LOXL1: variants seen among roughly 807,000 people sequenced by gnomAD.
LOXL1 encodes the protein lysyl oxidase homolog 1.
In LOXL1, 31 loss-of-function variants were observed where a neutral mutation model predicts 62.2. The ratio of observed to expected loss-of-function variants is 0.50; its 90% CI spans 0.37 to 0.67. The LOEUF is 0.67. Ranked by LOEUF, LOXL1 falls within the 30% of genes least tolerant of loss-of-function variation. The pLI is 0.00. For synonymous variants in LOXL1, 403 were observed against 384.4 expected (o/e 1.05, Z -0.56); for missense variants, 775 against 843.4 (o/e 0.92, Z 1.00).
intron 6 of LOXL1, among the ~76,000 whole-genome samples, chr15:73,950,293 TAAA>T (rs5813735): frequency 2.1e-3 from 301 of 146,126 alleles, no homozygotes; most frequent in African/African-American, 6.9e-3. Context: ...CCTTTTCCAT[TAAA>T]AAAAAAAAAA....
rs2068739756 is a variant in LOXL1 at position 73,945,180 on chromosome 15, G to A, written c.1212-1237G>A. ...TTTTGTCACAAGGCCTACCTCAGTT[G>A]GAAATCTGGAGTCAGCAGGTGACTT... On this transcript the variant is annotated intron_variant, in intron 2 of 6. Coordinates refer to ENST00000261921, the MANE Select transcript of LOXL1 (RefSeq NM_005576.4). The surrounding 1 kb of genome is among the most constrained non-coding windows in gnomAD (Gnocchi z 4.3). Among the ~76,000 whole-genome samples the A allele has an allele frequency of 6.6e-6, 1 of 152,196 alleles. No homozygotes were observed. The highest frequency in any genetic ancestry group is 1.5e-5 in the Non-Finnish European group (1 of 68,038).
rs746716722 is a variant in LOXL1 at position 73,951,862 on chromosome 15, T to A, written c.*25T>A. 1.3e-6 allele frequency: 2 copies of A among 1,526,884 alleles called. No homozygotes were observed. The highest frequency in any genetic ancestry group is 8.8e-7 in the Non-Finnish European group (1 of 1,131,334). 94.6% of individuals were successfully genotyped at this position (1,526,884 alleles called of 1,614,324 possible). ...ATCTCCGGGAGGGACAGATGGCCAA[T>A]CTCTCCCCTTCCAAAGCAGGCCCTG... On this transcript the variant is annotated 3_prime_UTR_variant, in exon 7 of 7. Transcript: ENST00000261921.
chr15:73,951,731 G>A (rs2068788563), intron 6 of LOXL1, 100 bp from the exon 7 acceptor site: 3 of 1,102,776 alleles, frequency 2.7e-6, no homozygotes, highest in Non-Finnish European at 2.5e-6. Context: ...TGCCTGCCCT[G>A]CCACGAGGGA....
intron 6 of LOXL1, 55 bp downstream of exon 6, chr15:73,949,629 A>C (rs2068770633): frequency 8.0e-7 from 1 of 1,247,514 alleles, no homozygotes; most frequent in South Asian, 1.2e-5. Context: ...CCTGGGGAGC[A>C]GGCAAGGCCA....
At chr15:73,933,084 A>G (rs1239371992) in intron 1 of LOXL1, among the ~76,000 whole-genome samples, 2 of 152,234 alleles carry the variant, frequency 1.3e-5, no homozygotes, top group East Asian at 1.9e-4. Context: ...GCAAGAAGAG[A>G]CAGCTCCTGT....
At chr15:73,934,139 G>A (rs2068654230) in intron 1 of LOXL1, among the ~76,000 whole-genome samples, 1 of 152,224 alleles carries the variant, frequency 6.6e-6, no homozygotes, top group Admixed American at 6.5e-5. Flanking sequence ...CCCCCTGCTT[G>A]TGGGCCAGCT....
In LOXL1 at chr15:73,945,325, G is replaced by A. The variant is rs560056852; in HGVS notation, c.1212-1092G>A. On this transcript the variant is annotated intron_variant, in intron 2 of 6. Coordinates refer to ENST00000261921, the MANE Select transcript of LOXL1 (RefSeq NM_005576.4). This position sits in a 1 kb window ranked among gnomAD's most constrained non-coding sequence, Gnocchi z 4.3. ...CCCAGTGCAAGATGTAGATGGTATC[G>A]GGCTGTGCTGCAGTCAGTGCTGTTA... is the stretch of plus-strand genomic sequence containing the variant. Among the ~76,000 whole-genome samples, 5 of 152,292 alleles carry A rather than the reference G, an allele frequency of 3.3e-5. No homozygotes were observed. Among genetic ancestry groups the A allele is most frequent in the African/African-American group, 4.8e-5 (2 of 41,548 alleles).
Position 73,932,945 on chromosome 15 carries a change from G to T in LOXL1, c.1102+5060G>T, listed in dbSNP as rs182193662. ...CTGCCTCCCTGTTTCTCCTTTGAGA[G>T]TCATCAGTGTCTGAACAAACAAGTG... On this transcript the variant is annotated intron_variant, in intron 1 of 6. Coordinates refer to ENST00000261921, the MANE Select transcript of LOXL1 (RefSeq NM_005576.4). Among the ~76,000 whole-genome samples the T allele has an allele frequency of 4.6e-5, 7 of 152,304 alleles. No individual in the cohort carries two copies. In the East Asian group the frequency reaches 1.2e-3, roughly 25 times the overall value.
At chr15:73,948,960 A>G (rs984005295) in intron 5 of LOXL1, among the ~76,000 whole-genome samples, 1 of 152,224 alleles carries the variant, frequency 6.6e-6, no homozygotes, top group Non-Finnish European at 1.5e-5. Context: ...TTGTATCCCA[A>G]CAGCTCCTTT....
chr15:73,946,945 C>T, intron 3 of LOXL1, 122 bp from the exon 4 acceptor site: 2 of 1,123,216 alleles, frequency 1.8e-6, no homozygotes, highest in Non-Finnish European at 2.5e-6. Context: ...ACAGGAGAAC[C>T]TAGACCAGCC....
rs2068630482 is a variant in LOXL1, at chr15:73,930,872, C to A, written c.1102+2987C>A. Among the ~76,000 whole-genome samples the A allele has an allele frequency of 2.6e-5, 4 of 152,200 alleles. No homozygotes were observed. In the South Asian group the frequency reaches 8.3e-4, roughly 31 times the overall value. ...GAGGAAACAGAGGCCCAGAGAGGGT[C>A]ACATACTTTGCCTGGCTCTCATAGC... On this transcript the variant is annotated intron_variant, in intron 1 of 6. Coordinates refer to ENST00000261921, the MANE Select transcript of LOXL1 (RefSeq NM_005576.4). The surrounding 1 kb of genome is among the most constrained non-coding windows in gnomAD (Gnocchi z 4.7).
Position 73,947,887 on chromosome 15 carries a change from G to A in LOXL1, c.1587G>A (p.Gly529=). The change falls in exon 5 of 7, where the codon GGG becomes GGA. Residue 529 remains glycine, a synonymous_variant. Transcript: ENST00000261921. The part of the protein sequence containing the change: ...QWIDITDVQP[G]NYILKVHVNP... ...TCGACATAACCGACGTGCAGCCTGGGAACTACATCCTCAAGGTGGGCCTCT... is the reference window on the plus strand; with the variant it reads ...TCGACATAACCGACGTGCAGCCTGGAAACTACATCCTCAAGGTGGGCCTCT... 2 of 1,613,390 alleles carry A rather than the reference G, an allele frequency of 1.2e-6. No individual in the cohort carries two copies. The highest frequency in any genetic ancestry group is 2.2e-5 in the South Asian group (2 of 91,036).
intron 1 of LOXL1, among the ~76,000 whole-genome samples, chr15:73,938,252 C>G (rs1296546636): frequency 3.5e-5 from 5 of 144,924 alleles, no homozygotes; most frequent in Non-Finnish European, 7.7e-5. Flanking sequence ...TGCAGTCCAG[C>G]CTGGGCAACA....
At chr15:73,935,982 T>C (rs989967813) in intron 1 of LOXL1, among the ~76,000 whole-genome samples, 28 of 134,460 alleles carry the variant, frequency 2.1e-4, no homozygotes, top group South Asian at 2.4e-4. Context: ...TGTACGCGCA[T>C]GCACATGCAT....
chr15:73,933,612 C>T (rs1231689349), intron 1 of LOXL1, among the ~76,000 whole-genome samples: 2 of 152,244 alleles, frequency 1.3e-5, no homozygotes, highest in Non-Finnish European at 2.9e-5. Flanking sequence ...GCAGCATCCT[C>T]TGCTCTCAGA....
chr15:73,927,546 C>T lies in LOXL1; in HGVS notation c.763C>T (p.Pro255Ser). Reference sequence around the variant, plus strand: ...CCCGCCTCAGGGCTTCTACCCGGCCCCCGAGAGGCCCTACGTGCCGCCGCC... The same window carrying T: ...CCCGCCTCAGGGCTTCTACCCGGCCTCCGAGAGGCCCTACGTGCCGCCGCC... ...EYPPQGFYPA[P>S]ERPYVPPPPP... Residue 255 changes from proline (P) to serine (S), a missense_variant, in exon 1 of 7, where the codon CCC becomes TCC. Transcript: ENST00000261921. 7.3e-6 allele frequency: 11 copies of T among 1,499,228 alleles called. No homozygotes were observed. The highest frequency in any genetic ancestry group is 9.7e-6 in the Non-Finnish European group (11 of 1,131,152). 92.9% of individuals were successfully genotyped at this position (1,499,228 alleles called of 1,614,324 possible).
In LOXL1 at chr15:73,927,460, AC is replaced by A; in HGVS notation, c.681del (p.Tyr228ThrfsTer199). ...GCCGTGGCCTCGGCGGGGGTCATCT[AC>A]CCCTACCAGCCCCGGGCGCGCTACG... ...AAAVASAGVI[Y>X]PYQPRARYEE... On this transcript the variant is annotated frameshift_variant, in exon 1 of 7. Transcript: ENST00000261921. LOFTEE classifies it high-confidence loss of function. 4 of 1,445,764 alleles carry A rather than the reference AC, an allele frequency of 2.8e-6. No individual in the cohort carries two copies. Among genetic ancestry groups the A allele is most frequent in the Non-Finnish European group, 3.6e-6 (4 of 1,102,342 alleles). 89.6% of individuals were successfully genotyped at this position (1,445,764 alleles called of 1,614,324 possible). A position where few individuals can be genotyped will look rare whatever the true frequency, so the allele number is the denominator to read the frequency against.
intron 5 of LOXL1, 94 bp downstream of exon 5, chr15:73,947,996 C>G: frequency 2.3e-6 from 2 of 871,102 alleles, no homozygotes; most frequent in Middle Eastern, 2.3e-4. Context: ...TGGGCCTGTT[C>G]CCTTCTCCCC....
Position 73,946,486 on chromosome 15 carries a change from G to A in LOXL1, c.1281G>A (p.Lys427=). The A allele has an allele frequency of 6.2e-7, 1 of 1,612,354 alleles. No individual in the cohort carries two copies. Among genetic ancestry groups the A allele is most frequent in the Non-Finnish European group, 8.5e-7 (1 of 1,179,370 alleles). ...TACTGCGCTTCCCCCAGCGCGTGAA[G>A]AACCAGGGCACAGCAGACTTCCTCC... ...RVLLRFPQRV[K]NQGTADFLPN... Residue 427 remains lysine (K), a synonymous_variant, in exon 3 of 7, where the codon AAG becomes AAA. Coordinates refer to ENST00000261921, the MANE Select transcript of LOXL1 (RefSeq NM_005576.4).
Sources: gnomAD v4.1 joint callset for allele counts (sites outside exome capture counted in the v4.1 genomes callset) on GRCh38, gnomAD v4.1.1 for gene constraint, Gnocchi (gnomAD v3.1) non-coding constraint, MANE v1.5 for transcripts, NCBI Gene and HGNC (gene_info 2026-07-23, HGNC 2026-07-21) for gene names.